Variants in SLC5A12 observed in about 807,000 individuals in gnomAD.
SLC5A12 encodes the protein solute carrier family 5 member 12.
SLC5A12 carries 46 observed loss-of-function variants against 72.7 expected under a neutral mutation model. The ratio of observed to expected loss-of-function variants is 0.63; its 90% CI spans 0.50 to 0.81. The LOEUF is 0.81. Ranked by LOEUF, SLC5A12 falls within the 30% of genes least tolerant of loss-of-function variation. The pLI, the probability that SLC5A12 is intolerant of heterozygous loss-of-function variation, is 0.00. For synonymous variants in SLC5A12, 275 were observed against 264.4 expected, an observed-to-expected ratio of 1.04 and a Z score of -0.39; for missense variants, 683 against 740.7, an observed-to-expected ratio of 0.92 and a Z score of 0.90.
chr11:26,722,484 G>A (rs1855501374), upstream of SLC5A12, among the ~76,000 whole-genome samples: 1 of 152,136 alleles, frequency 6.6e-6, no homozygotes, highest in South Asian at 2.1e-4. Context: ...TAAAATGAAA[G>A]GTAATAATAT....
chr11:26,717,848 G>A (rs12276563), intron 1 of SLC5A12, among the ~76,000 whole-genome samples: 13,835 of 152,134 alleles, frequency 0.091, 711 homozygotes, highest in East Asian at 0.17. Flanking sequence ...AGGTGTCTCT[G>A]TTCTCTATGT....
intron 9 of SLC5A12, among the ~76,000 whole-genome samples, chr11:26,689,480 A>G (rs1358197385): frequency 6.6e-6 from 1 of 152,272 alleles, no homozygotes; most frequent in East Asian, 1.9e-4. Flanking sequence ...TCTATGGTGG[A>G]AAAAATTGGA....
Position 26,670,888 on chromosome 11 carries a change from T to A in SLC5A12, c.*214A>T. ...GTCAAGGGCATTTGGAGCAGGTTGGTTTTTCTCTGTGAAAGTTGGAGTCTT... is the reference window on the plus strand; with the variant it reads ...GTCAAGGGCATTTGGAGCAGGTTGGATTTTCTCTGTGAAAGTTGGAGTCTT... On this transcript the variant is annotated 3_prime_UTR_variant, in exon 15 of 15. Transcript: ENST00000396005. 1 of 396,446 alleles carries A rather than the reference T, an allele frequency of 2.5e-6. No individual in the cohort carries two copies. The highest frequency in any genetic ancestry group is 4.4e-6 in the Non-Finnish European group (1 of 229,144). 24.6% of individuals were successfully genotyped at this position (396,446 alleles called of 1,614,324 possible).
In SLC5A12 at chr11:26,670,023, A is replaced by G. The variant is rs1275822876; in HGVS notation, c.*1079T>C. 3.9e-5 allele frequency: 6 copies of G among 151,924 alleles called. No homozygotes were observed. The highest frequency in any genetic ancestry group is 9.7e-5 in the African/African-American group (4 of 41,368). The allele number at this position is 151,924 out of a possible 1,614,324, so 9.4% of individuals were successfully genotyped here. A position where few individuals can be genotyped will look rare whatever the true frequency, so the allele number is the denominator to read the frequency against. Reference sequence around the variant, plus strand: ...TCTTTCACTGCTCCTTCATTTGTCAACTCGCCTTTTAATCTGCAATACCCT... The same window carrying G: ...TCTTTCACTGCTCCTTCATTTGTCAGCTCGCCTTTTAATCTGCAATACCCT... On this transcript the variant is annotated 3_prime_UTR_variant, in exon 15 of 15. Coordinates refer to ENST00000396005, the MANE Select transcript of SLC5A12 (RefSeq NM_178498.4).
Position 26,709,188 on chromosome 11 carries a change from G to A in SLC5A12, c.525+124C>T, listed in dbSNP as rs548545269. ...CTCAGGAAACTGTGACAGATAAGCC[G>A]ACATACTTCTGCTTAATTTTGGAAT... On this transcript the variant is annotated intron_variant, in intron 4 of 14. Transcript: ENST00000396005. 293 of 610,842 alleles carry A rather than the reference G, an allele frequency of 4.8e-4. 4 individuals are homozygous for A. The South Asian group carries it at 8.0e-3, about 17-fold the overall frequency. The allele number at this position is 610,842 out of a possible 1,614,324, so 37.8% of individuals were successfully genotyped here. A position where few individuals can be genotyped will look rare whatever the true frequency, so the allele number is the denominator to read the frequency against.
chr11:26,705,250 A>T (rs1297823158), intron 4 of SLC5A12, among the ~76,000 whole-genome samples: 2 of 152,012 alleles, frequency 1.3e-5, no homozygotes, highest in Non-Finnish European at 2.9e-5. Flanking sequence ...AGAAGGAAGG[A>T]AAAAGAGAGG....
At chr11:26,696,651 G>A (rs943960280) in intron 8 of SLC5A12, among the ~76,000 whole-genome samples, 3 of 152,166 alleles carry the variant, frequency 2.0e-5, no homozygotes, top group African/African-American at 7.2e-5. Flanking sequence ...CAATCACAAA[G>A]CGTTTGTATA....
chr11:26,687,744 A>G (rs1056984244), intron 9 of SLC5A12, among the ~76,000 whole-genome samples: 1 of 152,154 alleles, frequency 6.6e-6, no homozygotes. Context: ...ATCTTTTCCA[A>G]CTTCTCAATA....
At chr11:26,683,638 G>A in intron 11 of SLC5A12, 119 bp downstream of exon 11, 1 of 727,838 alleles carries the variant, frequency 1.4e-6, no homozygotes. Context: ...GTTTAATTCT[G>A]CTGTGGATTC....
intron 1 of SLC5A12, among the ~76,000 whole-genome samples, chr11:26,720,678 T>C (rs181753132): frequency 6.6e-6 from 1 of 152,320 alleles, no homozygotes; most frequent in East Asian, 1.9e-4. Context: ...CATTTCTATA[T>C]AGAGCATGCA....
chr11:26,721,738 G>T lies in SLC5A12; in HGVS notation c.-24C>A. ...ATATTGGAAAGTATGACACCAGAGA[G>T]TTTCTTTCAACGAGGTCTCAGGAAG... On this transcript the variant is annotated 5_prime_UTR_variant, in exon 1 of 15. Coordinates refer to ENST00000396005, the MANE Select transcript of SLC5A12 (RefSeq NM_178498.4). The T allele has an allele frequency of 6.3e-7, 1 of 1,592,820 alleles. No individual in the cohort carries two copies. The highest frequency in any genetic ancestry group is 2.2e-5 in the East Asian group (1 of 44,716).
chr11:26,712,456 C>T (rs1347091253), intron 2 of SLC5A12, among the ~76,000 whole-genome samples, 185 bp downstream of exon 2: 1 of 151,978 alleles, frequency 6.6e-6, no homozygotes, highest in East Asian at 1.9e-4. Flanking sequence ...CTTTTTTTCC[C>T]TTTGTGGCTT....
At position 26,670,919 on chromosome 11, in the gene SLC5A12, G is replaced by T; in HGVS notation, c.*183C>A. ...TCTGTGAAAGTTGGAGTCTTTCAAA[G>T]AATATCCCGAGAGACAGTCATTTTG... On this transcript the variant is annotated 3_prime_UTR_variant, in exon 15 of 15. Transcript: ENST00000396005. 1 of 482,918 alleles carries T rather than the reference G, an allele frequency of 2.1e-6. No homozygotes were observed. Among genetic ancestry groups the T allele is most frequent in the Non-Finnish European group, 3.4e-6 (1 of 295,366 alleles). 29.9% of individuals were successfully genotyped at this position (482,918 alleles called of 1,614,324 possible). A position where few individuals can be genotyped will look rare whatever the true frequency, so the allele number is the denominator to read the frequency against.
At chr11:26,693,028 C>G (rs1035382389) in intron 8 of SLC5A12, among the ~76,000 whole-genome samples, 1 of 152,180 alleles carries the variant, frequency 6.6e-6, no homozygotes, top group African/African-American at 2.4e-5. Flanking sequence ...ATTTCTACAT[C>G]CTTTTATTCA....
At chr11:26,712,802 G>T in intron 1 of SLC5A12, 96 bp from the exon 2 acceptor site, 1 of 684,804 alleles carries the variant, frequency 1.5e-6, no homozygotes, top group Non-Finnish European at 2.3e-6. Flanking sequence ...GTTGTGCTCT[G>T]GACTTGTAAT....
chr11:26,672,288 TG>T (rs55913798), intron 14 of SLC5A12, among the ~76,000 whole-genome samples: 43,041 of 151,980 alleles, frequency 0.28, 6,270 homozygotes, highest in East Asian at 0.46. Context: ...CAGAAATATT[TG>T]CCATGATATG....
chr11:26,675,403 GCT>G (rs947814307), intron 13 of SLC5A12, among the ~76,000 whole-genome samples: 49 of 152,286 alleles, frequency 3.2e-4, no homozygotes, highest in African/African-American at 1.1e-3. Flanking sequence ...CAAACCAGAA[GCT>G]CTGTGTTTGC....
At chr11:26,691,108 C>T (rs902160120) in intron 9 of SLC5A12, among the ~76,000 whole-genome samples, 5 of 151,894 alleles carry the variant, frequency 3.3e-5, no homozygotes, top group African/African-American at 1.2e-4. Flanking sequence ...AATAAAATTT[C>T]CAATGTCCCA....
chr11:26,711,025 A>G (rs1347626573), intron 3 of SLC5A12, among the ~76,000 whole-genome samples: 1 of 152,108 alleles, frequency 6.6e-6, no homozygotes, highest in African/African-American at 2.4e-5. Context: ...CGAAACTGCC[A>G]TAATTCCAAT....
Sources: gnomAD v4.1 joint callset for allele counts (sites outside exome capture counted in the v4.1 genomes callset) on GRCh38, gnomAD v4.1.1 for gene constraint, MANE v1.5 for transcripts, NCBI Gene and HGNC (gene_info 2026-07-23, HGNC 2026-07-21) for gene names.